The following RGS12 variants were observed in gnomAD, a reference collection of about 807,000 sequenced individuals.
RGS12 encodes regulator of G-protein signaling 12.
In RGS12, 66 loss-of-function variants were observed where a neutral mutation model predicts 120.1. The ratio of observed to expected loss-of-function variants is 0.55; its 90% CI spans 0.45 to 0.67. RGS12 has a LOEUF of 0.67. RGS12 is among the 30% of genes least tolerant of loss of function. RGS12 has a pLI of 0.00. For synonymous variants in RGS12, 827 were observed against 804.7 expected, an observed-to-expected ratio of 1.03 and a Z score of -0.47; for missense variants, 1,859 against 1,957.7, an observed-to-expected ratio of 0.95 and a Z score of 0.95.
intron 7 of RGS12, 80 bp from the exon 8 acceptor site, chr4:3,416,833 A>T: frequency 7.5e-7 from 1 of 1,330,866 alleles, no homozygotes; most frequent in Non-Finnish European, 1.0e-6. Context: ...GGTTGCCTAC[A>T]GGTCGCCAAG....
At position 3,423,594 on chromosome 4, in the gene RGS12, G is replaced by T. The variant is rs774892640; in HGVS notation, c.3187G>T (p.Val1063Leu). The change falls in exon 13 of 18, where the codon GTG becomes TTG. Residue 1063 changes from valine to leucine, a missense_variant. Val to Leu is a conservative substitution (Grantham distance 32). Coordinates refer to ENST00000336727, the MANE Select transcript of RGS12 (RefSeq NM_001394154.1). ...GCCCGTCACGGAGGTGCTGCGGCCC[G>T]TGGTGGCCAGATACGGCCTGGACCT... ...TKPVTEVLRP[V>L]VARYGLDLSG... 4 of 1,612,190 alleles carry T rather than the reference G, an allele frequency of 2.5e-6. No individual in the cohort carries two copies. Among genetic ancestry groups the T allele is most frequent in the Non-Finnish European group, 3.4e-6 (4 of 1,179,932 alleles).
chr4:3,374,726 A>AG lies in RGS12; in HGVS notation c.1999-11689dup, dbSNP rs548408902. Among the ~76,000 whole-genome samples the AG allele has an allele frequency of 3.0e-3, 463 of 152,072 alleles. 1 individual carries two copies. Among genetic ancestry groups the AG allele is most frequent in the African/African-American group, 0.01 (432 of 41,496 alleles). The stretch of plus-strand genomic sequence containing the variant: ...TACACTTTCTCACCCCCATTGCTGC[A>AG]GCCTGCCCTCGTCCCCATCTCTTGC... On this transcript the variant is annotated intron_variant, in intron 3 of 17. Transcript: ENST00000336727. This position sits in a 1 kb window ranked among gnomAD's most constrained non-coding sequence, Gnocchi z 6.3.
At chr4:3,373,303 G>A (rs1027060661) in intron 3 of RGS12, among the ~76,000 whole-genome samples, 6 of 152,224 alleles carry the variant, frequency 3.9e-5, no homozygotes, top group East Asian at 1.9e-4. Context: ...CCCCGACAGA[G>A]AGTCCCAGCC....
Position 3,390,045 on chromosome 4 carries a change from C to T in RGS12, c.2020+3608C>T, listed in dbSNP as rs1719318674. On this transcript the variant is annotated intron_variant, in intron 4 of 17. Transcript: ENST00000336727. This position sits in a 1 kb window ranked among gnomAD's most constrained non-coding sequence, Gnocchi z 4.6. The stretch of plus-strand genomic sequence containing the variant: ...GCAGCCATCCTCCCGCTCCCTTCTC[C>T]TGAACGCTGGTGGTTGCCCCCACAG... 2.6e-5 allele frequency among the ~76,000 whole-genome samples: 4 copies of T among 152,190 alleles called. No individual in the cohort carries two copies. In the South Asian group the frequency reaches 8.3e-4, roughly 32 times the overall value.
At chr4:3,434,985 C>G (rs1259643366) in intron 17 of RGS12, among the ~76,000 whole-genome samples, 1 of 152,128 alleles carries the variant, frequency 6.6e-6, no homozygotes, top group Non-Finnish European at 1.5e-5. Flanking sequence ...ATGGACTCCA[C>G]CTGCCGGCAG....
At chr4:3,438,772 GGCTGGAGTGGGCATTGGA>G (rs1021858280) in intron 17 of RGS12, among the ~76,000 whole-genome samples, 3 of 152,142 alleles carry the variant, frequency 2.0e-5, no homozygotes, top group Non-Finnish European at 4.4e-5. Context: ...GATCTCCTGG[GGCTGGAGTGGGCATTGGA>G]GCCAGAAGTG....
intron 13 of RGS12, chr4:3,423,866 T>G: frequency 1.9e-6 from 1 of 534,218 alleles, no homozygotes; most frequent in South Asian, 2.5e-5. Context: ...CAAAAAGAAT[T>G]GATATTTGAG....
At chr4:3,396,975 C>A (rs1314952284) in intron 4 of RGS12, among the ~76,000 whole-genome samples, 1 of 151,684 alleles carries the variant, frequency 6.6e-6, no homozygotes, top group Non-Finnish European at 1.5e-5. Context: ...GTTACTCATT[C>A]TTGCTCTCAA....
chr4:3,323,611 A>G (rs1017144129), intron 2 of RGS12, among the ~76,000 whole-genome samples: 11 of 152,194 alleles, frequency 7.2e-5, no homozygotes, highest in Non-Finnish European at 1.5e-5. Context: ...ATTATGTCAT[A>G]TGCCTGTGCC....
Position 3,316,293 on chromosome 4 carries a change from C to G in RGS12, c.123C>G (p.Pro41=). The change falls in exon 2 of 18, where the codon CCC becomes CCG. Residue 41 remains proline, a synonymous_variant. Transcript: ENST00000336727. ...GATTCACGCTTTCGGGACAGGCACCCTGTGTGCTCAGCTGCGTCATGAGAG... is the reference window on the plus strand; with the variant it reads ...GATTCACGCTTTCGGGACAGGCACCGTGTGTGCTCAGCTGCGTCATGAGAG... The part of the protein sequence containing the change: ...GYGFTLSGQA[P]CVLSCVMRGS... The G allele has an allele frequency of 6.2e-7, 1 of 1,614,074 alleles. No homozygotes were observed. The highest frequency in any genetic ancestry group is 1.3e-5 in the African/African-American group (1 of 75,060).
chr4:3,432,814 A>G (rs1724450956), intron 17 of RGS12, among the ~76,000 whole-genome samples: 1 of 152,166 alleles, frequency 6.6e-6, no homozygotes, highest in Non-Finnish European at 1.5e-5. Flanking sequence ...GCTGTCTCCT[A>G]GGAGGAGACC....
chr4:3,386,542 C>A, intron 4 of RGS12, 105 bp downstream of exon 4: 2 of 985,456 alleles, frequency 2.0e-6, no homozygotes, highest in Non-Finnish European at 3.1e-6. Flanking sequence ...GGGTTGTTTG[C>A]CTTTCCCTGT....
At chr4:3,420,821 G>C in intron 10 of RGS12, 103 bp downstream of exon 10, 2 of 1,030,106 alleles carry the variant, frequency 1.9e-6, no homozygotes, top group South Asian at 2.9e-5. Flanking sequence ...AAAACTCAGC[G>C]TTCACTTTGT....
chr4:3,299,938 G>A (rs1723588004), intron 1 of RGS12, among the ~76,000 whole-genome samples: 1 of 152,230 alleles, frequency 6.6e-6, no homozygotes, highest in Non-Finnish European at 1.5e-5. Context: ...CACTGAGGGT[G>A]GGAGGAAAGG....
At chr4:3,323,605 T>G (rs543069808) in intron 2 of RGS12, among the ~76,000 whole-genome samples, 49 of 152,358 alleles carry the variant, frequency 3.2e-4, no homozygotes, top group African/African-American at 1.1e-3. Flanking sequence ...CGTGGTATTA[T>G]GTCATATGCC....
intron 3 of RGS12, among the ~76,000 whole-genome samples, chr4:3,375,165 G>A (rs915339122): frequency 3.3e-5 from 5 of 152,184 alleles, no homozygotes; most frequent in African/African-American, 7.2e-5. Flanking sequence ...TTAGCTGCAC[G>A]GGAGGTCATT....
chr4:3,323,938 G>A (rs1055606629), intron 2 of RGS12: 2 of 151,486 alleles, frequency 1.3e-5, no homozygotes, highest in African/African-American at 4.9e-5. Flanking sequence ...AGGAGAATTT[G>A]TGTTATTTTG....
chr4:3,423,948 C>T, intron 13 of RGS12: 1 of 287,792 alleles, frequency 3.5e-6, no homozygotes, highest in Non-Finnish European at 6.8e-6. Flanking sequence ...CCGCTGTTGG[C>T]CAATGTGATC....
chr4:3,362,080 G>A (rs1715622761), intron 3 of RGS12, among the ~76,000 whole-genome samples: 1 of 152,228 alleles, frequency 6.6e-6, no homozygotes, highest in South Asian at 2.1e-4. Flanking sequence ...GCCGTCCGCT[G>A]TGGATGGAGC....
Sources: gnomAD v4.1 joint callset for allele counts (sites outside exome capture counted in the v4.1 genomes callset) on GRCh38, gnomAD v4.1.1 for gene constraint, Gnocchi (gnomAD v3.1) non-coding constraint, MANE v1.5 for transcripts, NCBI Gene and HGNC (gene_info 2026-07-23, HGNC 2026-07-21) for gene names.